PELI2: variants seen among roughly 807,000 people sequenced by gnomAD.
PELI2 encodes E3 ubiquitin-protein ligase pellino homolog 2.
A neutral mutation model predicts 42.3 loss-of-function variants in PELI2; 23 were observed. The observed-to-expected ratio is 0.54, with a 90% confidence interval of 0.39 to 0.77. PELI2 has a LOEUF of 0.77. Among genes scored for constraint, PELI2 ranks in the 30% least tolerant of loss-of-function variants. The pLI, the probability that PELI2 is intolerant of heterozygous loss-of-function variation, is 0.00. For missense variants in PELI2, 463 were observed against 553.2 expected, an observed-to-expected ratio of 0.84 and a Z score of 1.64; for synonymous variants, 245 against 212.2, an observed-to-expected ratio of 1.15 and a Z score of -1.34.
intron 2 of PELI2, among the ~76,000 whole-genome samples, chr14:56,210,096 C>T (rs1034826563): frequency 3.3e-5 from 5 of 151,724 alleles, no homozygotes; most frequent in African/African-American, 1.2e-4. Flanking sequence ...GATAATGGTA[C>T]TGTGGTTATG....
intron 2 of PELI2, among the ~76,000 whole-genome samples, chr14:56,184,429 G>T (rs573011772): frequency 2.0e-5 from 3 of 152,094 alleles, no homozygotes; most frequent in Non-Finnish European, 4.4e-5. Flanking sequence ...CAAATTAAAA[G>T]AAAATGCACT....
At chr14:56,223,589 TAG>T (rs568743791) in intron 2 of PELI2, among the ~76,000 whole-genome samples, 12 of 152,198 alleles carry the variant, frequency 7.9e-5, no homozygotes, top group Non-Finnish European at 1.6e-4. Flanking sequence ...AAAGCAGATG[TAG>T]AGAGAGGAAA....
At chr14:56,287,091 G>C (rs1889669681) in intron 3 of PELI2, among the ~76,000 whole-genome samples, 1 of 152,174 alleles carries the variant, frequency 6.6e-6, no homozygotes, top group East Asian at 1.9e-4. Context: ...GAGTGGTTTT[G>C]GCTTTGAACT....
rs372654961 is a variant in PELI2 at position 56,158,092 on chromosome 14, A to G, written c.78-20243A>G. 1.6e-4 allele frequency among the ~76,000 whole-genome samples: 25 copies of G among 152,190 alleles called. 1 individual carries two copies. Among genetic ancestry groups the G allele is most frequent in the Admixed American group, 8.5e-4 (13 of 15,300 alleles). On this transcript the variant is annotated intron_variant, in intron 1 of 5. Coordinates refer to ENST00000267460, the MANE Select transcript of PELI2 (RefSeq NM_021255.3). Reference sequence around the variant, plus strand: ...GCCCAGGCTGGAGTGCAGTGGTGCAATCTCGGCTCACTGCAACCTCCACCT... The same window carrying G: ...GCCCAGGCTGGAGTGCAGTGGTGCAGTCTCGGCTCACTGCAACCTCCACCT...
chr14:56,129,020 G>T (rs1174654589), intron 1 of PELI2, among the ~76,000 whole-genome samples: 1 of 152,112 alleles, frequency 6.6e-6, no homozygotes, highest in South Asian at 2.1e-4. Flanking sequence ...GGGCTGAGAG[G>T]CTGAGGGATA....
chr14:56,234,359 C>T (rs1295969938), intron 2 of PELI2, among the ~76,000 whole-genome samples: 1 of 152,180 alleles, frequency 6.6e-6, no homozygotes, highest in Non-Finnish European at 1.5e-5. Flanking sequence ...CCCAAATGTC[C>T]ATCAATGATA....
At chr14:56,187,855 G>A (rs1885821490) in intron 2 of PELI2, among the ~76,000 whole-genome samples, 1 of 152,182 alleles carries the variant, frequency 6.6e-6, no homozygotes, top group Non-Finnish European at 1.5e-5. Context: ...GCTCCCTTCT[G>A]GTTCACACTG....
At chr14:56,257,497 G>A (rs1473569582) in intron 2 of PELI2, among the ~76,000 whole-genome samples, 1 of 152,048 alleles carries the variant, frequency 6.6e-6, no homozygotes, top group Non-Finnish European at 1.5e-5. Flanking sequence ...CAATTCAGGT[G>A]TACTGGACTT....
rs550652972 is a variant in PELI2 at position 56,188,957 on chromosome 14, C to T, written c.207+10493C>T. Among the ~76,000 whole-genome samples, 4 of 152,120 alleles carry T rather than the reference C, an allele frequency of 2.6e-5. No homozygotes were observed. The East Asian group carries it at 7.8e-4, about 29-fold the overall frequency. On this transcript the variant is annotated intron_variant, in intron 2 of 5. Transcript: ENST00000267460. ...GGTGGATCACCTGAGGTCAGGAGTT[C>T]GAGACCAGCCTGACCAATATGGTGA... is the stretch of plus-strand genomic sequence containing the variant.
intron 2 of PELI2, among the ~76,000 whole-genome samples, chr14:56,278,321 T>G (rs1889363077): frequency 6.6e-6 from 1 of 152,194 alleles, no homozygotes; most frequent in Admixed American, 6.5e-5. Context: ...TGATTTGATA[T>G]ATATACACAT....
At chr14:56,123,151 G>T (rs2139573919) in intron 1 of PELI2, among the ~76,000 whole-genome samples, 1 of 151,944 alleles carries the variant, frequency 6.6e-6, no homozygotes, top group African/African-American at 2.4e-5. Context: ...ACAAAGAGGG[G>T]TATAGTAGCT....
intron 1 of PELI2, among the ~76,000 whole-genome samples, chr14:56,174,812 G>A (rs751273267): frequency 3.3e-5 from 5 of 152,228 alleles, no homozygotes; most frequent in Admixed American, 1.3e-4. Context: ...CTTTACAGCA[G>A]TGTGAGAATG....
intron 2 of PELI2, among the ~76,000 whole-genome samples, chr14:56,255,822 G>T (rs1888508872): frequency 1.3e-5 from 2 of 152,050 alleles, no homozygotes; most frequent in South Asian, 2.1e-4. Flanking sequence ...TCCTTGGCTG[G>T]CACCATCTTG....
chr14:56,211,215 A>G (rs1204407840), intron 2 of PELI2, among the ~76,000 whole-genome samples: 1 of 152,206 alleles, frequency 6.6e-6, no homozygotes, highest in Non-Finnish European at 1.5e-5. Context: ...CCAGTGCTGA[A>G]GCAACTTTAG....
At chr14:56,143,124 C>T (rs1883978419) in intron 1 of PELI2, among the ~76,000 whole-genome samples, 1 of 152,150 alleles carries the variant, frequency 6.6e-6, no homozygotes. Flanking sequence ...CCCTTCTAAT[C>T]TGTGACAGTT....
rs147223028 is a variant in PELI2 at position 56,155,604 on chromosome 14, C to T, written c.78-22731C>T. 1.8e-3 allele frequency among the ~76,000 whole-genome samples: 260 copies of T among 143,794 alleles called. No individual in the cohort carries two copies. In the East Asian group the frequency reaches 0.019, roughly 10 times the overall value. 94.3% of individuals were successfully genotyped at this position (143,794 alleles called of 152,430 possible). A position where few individuals can be genotyped will look rare whatever the true frequency, so the allele number is the denominator to read the frequency against. On this transcript the variant is annotated intron_variant, in intron 1 of 5. Coordinates refer to ENST00000267460, the MANE Select transcript of PELI2 (RefSeq NM_021255.3). ...TACATTTTTTTTTTTTTTTTTGAGA[C>T]GGAGTCTCGCTCTGTCACCCAGGCT...
intron 1 of PELI2, among the ~76,000 whole-genome samples, chr14:56,136,345 G>T (rs1435470339): frequency 6.6e-6 from 1 of 152,176 alleles, no homozygotes; most frequent in African/African-American, 2.4e-5. Context: ...TGTTTACTTG[G>T]TGCATCTGCG....
chr14:56,152,842 T>C (rs1408591941), intron 1 of PELI2, among the ~76,000 whole-genome samples: 1 of 152,246 alleles, frequency 6.6e-6, no homozygotes, highest in Non-Finnish European at 1.5e-5. Context: ...TCATTTCCAG[T>C]TGATGTCAGT....
At position 56,119,845 on chromosome 14, in the gene PELI2, C is replaced by T. The variant is rs373046225; in HGVS notation, c.77+1108C>T. The T allele has an allele frequency of 4.1e-5, 40 of 985,266 alleles. No individual in the cohort carries two copies. In the African/African-American group the frequency reaches 6.6e-4, roughly 16 times the overall value. 61.0% of individuals were successfully genotyped at this position (985,266 alleles called of 1,614,324 possible). ...TGCGTTGAAAGACCTGTATTCAGAA[C>T]ATCCTCGGCGCTGATAGGTAGGCTT... On this transcript the variant is annotated intron_variant, in intron 1 of 5. Transcript: ENST00000267460.
Sources: allele counts gnomAD v4.1 joint callset (sites outside exome capture counted in the v4.1 genomes callset), GRCh38; gene constraint gnomAD v4.1.1; transcripts MANE v1.5; gene names NCBI Gene and HGNC (gene_info 2026-07-23, HGNC 2026-07-21).